CELF5: variants seen among roughly 807,000 people sequenced by gnomAD.
The protein encoded by CELF5 is CUG-BP and ETR-3 like factor 5.
CELF5 carries 6 observed loss-of-function variants against 54.9 expected under a neutral mutation model. That is an observed-to-expected ratio of 0.11 (90% CI 0.06 to 0.22). The LOEUF (loss-of-function observed/expected upper bound fraction) is 0.22, where lower values mean the gene tolerates loss of function less well. Among genes scored for constraint, CELF5 ranks in the 10% least tolerant of loss-of-function variants. The probability of loss-of-function intolerance (pLI) is 1.00; values close to 1 mark genes in which losing one functional copy is unlikely to be tolerated. For missense variants in CELF5, 401 were observed against 678.6 expected (o/e 0.59, Z 4.54); for synonymous variants, 271 against 290.9 (o/e 0.93, Z 0.70).
intron 1 of CELF5, among the ~76,000 whole-genome samples, chr19:3,247,322 T>G (rs1156513678): frequency 6.6e-6 from 1 of 152,008 alleles, no homozygotes; most frequent in Non-Finnish European, 1.5e-5. Flanking sequence ...GAGATAGGGT[T>G]TCACCGTGTT....
intron 1 of CELF5, chr19:3,225,550 C>T: frequency 1.0e-6 from 1 of 958,008 alleles, no homozygotes; most frequent in Non-Finnish European, 1.2e-6. Flanking sequence ...TGGTTATTTT[C>T]ACAAAGCCAG....
At chr19:3,248,897 CCTTCCTTCCTTTCTTTCTTT>C (rs1466146985) in intron 1 of CELF5, among the ~76,000 whole-genome samples, 1 of 106,246 alleles carries the variant, frequency 9.4e-6, no homozygotes, top group African/African-American at 3.1e-5. Flanking sequence ...TTCCTTCCTT[CCTTCCTTCCTTTCTTTCTTT>C]CTTTCTTTCT....
chr19:3,277,926 TCTGACA>T, intron 4 of CELF5, 99 bp from the exon 5 acceptor site: 1 of 799,132 alleles, frequency 1.3e-6, no homozygotes, highest in Non-Finnish European at 2.1e-6. Flanking sequence ...GCTGCATGTG[TCTGACA>T]CTGGCCATGT....
At chr19:3,258,346 T>C (rs549820800) in intron 2 of CELF5, among the ~76,000 whole-genome samples, 5 of 152,170 alleles carry the variant, frequency 3.3e-5, no homozygotes, top group Middle Eastern at 6.8e-3. Flanking sequence ...GGTCTCGAAC[T>C]CCTGACCTCA....
intron 10 of CELF5, 85 bp from the exon 11 acceptor site, chr19:3,290,146 G>T (rs1411246731): frequency 3.9e-6 from 4 of 1,023,190 alleles, no homozygotes; most frequent in Non-Finnish European, 5.9e-6. Context: ...GAAGCCAGAT[G>T]CGGGCTCCAG....
At chr19:3,225,702 C>T in intron 1 of CELF5, 12 of 506,858 alleles carry the variant, frequency 2.4e-5, no homozygotes, top group Non-Finnish European at 2.8e-5. Flanking sequence ...GGAGAGGCTC[C>T]CGTCGCTGCC....
chr19:3,236,193 A>G (rs35993519), intron 1 of CELF5, among the ~76,000 whole-genome samples: 36,037 of 152,022 alleles, frequency 0.24, 4,261 homozygotes, highest in African/African-American at 0.28. Context: ...GAGGGACAGT[A>G]AAAAGGGGGC....
At chr19:3,289,421 C>T (rs1351827404) in intron 10 of CELF5, among the ~76,000 whole-genome samples, 1 of 152,068 alleles carries the variant, frequency 6.6e-6, no homozygotes, top group East Asian at 1.9e-4. Flanking sequence ...ATGGCTCACG[C>T]CTGTAATCCC....
chr19:3,231,822 ATGAG>A, intron 1 of CELF5, among the ~76,000 whole-genome samples: 1 of 149,882 alleles, frequency 6.7e-6, no homozygotes, highest in East Asian at 2.0e-4. Flanking sequence ...GGGTGGATAG[ATGAG>A]TGGATGGATG....
chr19:3,241,986 G>T (rs1568333536), intron 1 of CELF5, among the ~76,000 whole-genome samples: 1 of 152,140 alleles, frequency 6.6e-6, no homozygotes, highest in Non-Finnish European at 1.5e-5. Flanking sequence ...TGTTGGGCAG[G>T]CTGGTCTCAA....
intron 4 of CELF5, among the ~76,000 whole-genome samples, chr19:3,277,439 T>C (rs1294009235): frequency 6.6e-6 from 1 of 152,192 alleles, no homozygotes; most frequent in African/African-American, 2.4e-5. Context: ...GCCACTGCAC[T>C]CTAGCCTGGG....
chr19:3,256,591 C>T (rs993237800), intron 2 of CELF5, among the ~76,000 whole-genome samples: 5 of 150,096 alleles, frequency 3.3e-5, no homozygotes, highest in South Asian at 4.2e-4. Context: ...TTTTTTGAGA[C>T]GGAGCCTAAC....
intron 2 of CELF5, among the ~76,000 whole-genome samples, chr19:3,264,450 G>C (rs35802438): frequency 0.44 from 65,751 of 149,152 alleles, 14,533 homozygotes; most frequent in Admixed American, 0.5. Context: ...GAGTCTTGCT[G>C]TGTCACCCAG....
At chr19:3,258,486 A>T (rs1224548941) in intron 2 of CELF5, among the ~76,000 whole-genome samples, 1 of 152,168 alleles carries the variant, frequency 6.6e-6, no homozygotes, top group African/African-American at 2.4e-5. Context: ...GGCTCAGCCT[A>T]CATCCAGGAT....
At chr19:3,259,429 C>T (rs142955614) in intron 2 of CELF5, among the ~76,000 whole-genome samples, 24 of 150,728 alleles carry the variant, frequency 1.6e-4, no homozygotes, top group African/African-American at 5.6e-4. Context: ...AATTCAACCC[C>T]AATGTCCACA....
intron 1 of CELF5, among the ~76,000 whole-genome samples, chr19:3,244,385 AGT>A (rs1461681213): frequency 7.1e-6 from 1 of 140,672 alleles, no homozygotes; most frequent in African/African-American, 2.7e-5. Context: ...GTATGTGTGT[AGT>A]GTGTGTGGTG....
chr19:3,253,923 C>T (rs2079684501), intron 2 of CELF5, among the ~76,000 whole-genome samples: 1 of 152,172 alleles, frequency 6.6e-6, no homozygotes, highest in Admixed American at 6.6e-5. Context: ...TTCCTTTGTC[C>T]TCATTTCCCT....
chr19:3,293,800 T>G, intron 12 of CELF5: 1 of 229,586 alleles, frequency 4.4e-6, no homozygotes. Context: ...AGGCCAGGTT[T>G]GCTCTGGGGG....
chr19:3,234,786 A>G (rs1316295545), intron 1 of CELF5, among the ~76,000 whole-genome samples: 3 of 152,066 alleles, frequency 2.0e-5, no homozygotes, highest in African/African-American at 7.2e-5. Flanking sequence ...AAACCTCTCC[A>G]GAATCTGCCC....
Sources: gnomAD v4.1 joint callset for allele counts (sites outside exome capture counted in the v4.1 genomes callset) on GRCh38, gnomAD v4.1.1 for gene constraint, MANE v1.5 for transcripts, NCBI Gene and HGNC (gene_info 2026-07-23, HGNC 2026-07-21) for gene names.